The following TBC1D1 variants were observed in gnomAD, a reference collection of about 807,000 sequenced individuals.
The protein encoded by TBC1D1 is TBC1 domain family member 1.
TBC1D1 carries 89 observed loss-of-function variants against 125.6 expected under a neutral mutation model. The ratio of observed to expected loss-of-function variants is 0.71; its 90% CI spans 0.60 to 0.85. The LOEUF is 0.85. Ranked by LOEUF, TBC1D1 falls within the 40% of genes least tolerant of loss-of-function variation. The pLI, the probability that TBC1D1 is intolerant of heterozygous loss-of-function variation, is 0.00. For missense variants in TBC1D1, 1,377 were observed against 1,469.2 expected (o/e 0.94, Z 1.03); for synonymous variants, 565 against 564.1 (o/e 1.00, Z -0.02).
chr4:37,935,999 C>G (rs945787356), intron 2 of TBC1D1, among the ~76,000 whole-genome samples: 3 of 152,182 alleles, frequency 2.0e-5, no homozygotes, highest in South Asian at 2.1e-4. Context: ...CCCCAGGAGG[C>G]CTTCTCTGGC....
At chr4:38,065,197 C>T (rs1299856035) in intron 12 of TBC1D1, among the ~76,000 whole-genome samples, 1 of 152,190 alleles carries the variant, frequency 6.6e-6, no homozygotes, top group East Asian at 1.9e-4. Flanking sequence ...GCCAATCCGC[C>T]TTGGCCTCCC....
chr4:38,058,217 T>TA (rs1752102931), intron 12 of TBC1D1, among the ~76,000 whole-genome samples: 1 of 152,218 alleles, frequency 6.6e-6, no homozygotes, highest in Non-Finnish European at 1.5e-5. Context: ...ATCAGGCATC[T>TA]TTGTCCTCTG....
intron 2 of TBC1D1, among the ~76,000 whole-genome samples, chr4:37,913,646 T>C (rs1719091879): frequency 6.6e-6 from 1 of 151,714 alleles, no homozygotes; most frequent in South Asian, 2.1e-4. Context: ...TATATGTGTG[T>C]GTGTGTGTAT....
rs1369352470 is a variant in TBC1D1 at position 38,035,673 on chromosome 4, A to G, written c.1388A>G (p.His463Arg). ...TTATATGAAGAGAAACAGAAAGAAC[A>G]CATCCATATTGGGGAGATGAAGCAG... Residue 463 changes from histidine (H) to arginine (R), a missense_variant, in exon 8 of 20, where the codon CAC becomes CGC. Transcript: ENST00000261439. 1 of 1,613,486 alleles carries G rather than the reference A, an allele frequency of 6.2e-7. No homozygotes were observed. Among genetic ancestry groups the G allele is most frequent in the East Asian group, 2.2e-5 (1 of 44,840 alleles).
intron 17 of TBC1D1, among the ~76,000 whole-genome samples, chr4:38,124,391 C>T (rs762251841): frequency 6.6e-6 from 1 of 152,214 alleles, no homozygotes; most frequent in Non-Finnish European, 1.5e-5. Context: ...AGGAAGTAAC[C>T]TTGACAGAGT....
intron 1 of TBC1D1, among the ~76,000 whole-genome samples, chr4:37,893,345 A>AT (rs1159606337): frequency 2.0e-5 from 3 of 152,214 alleles, no homozygotes; most frequent in Non-Finnish European, 4.4e-5. Context: ...ATCACGGCCC[A>AT]TTTGGGGACT....
intron 17 of TBC1D1, among the ~76,000 whole-genome samples, chr4:38,118,969 T>TGTGA (rs1483694356): frequency 2.0e-5 from 3 of 152,230 alleles, no homozygotes; most frequent in Non-Finnish European, 4.4e-5. Context: ...AGTGGAATGT[T>TGTGA]GTGAGCATGG....
chr4:37,961,116 A>G (rs895897742), intron 2 of TBC1D1: 2 of 1,469,992 alleles, frequency 1.4e-6, no homozygotes, highest in Non-Finnish European at 1.9e-6. Flanking sequence ...CATAATAAAT[A>G]CATAAATATA....
chr4:37,892,128 T>G (rs139647338), intron 1 of TBC1D1, among the ~76,000 whole-genome samples: 1 of 152,320 alleles, frequency 6.6e-6, no homozygotes, highest in African/African-American at 2.4e-5. Flanking sequence ...GATTTCTCAT[T>G]GTTTCCCTTA....
chr4:38,107,797 C>T (rs537449905), intron 15 of TBC1D1, among the ~76,000 whole-genome samples: 7 of 152,176 alleles, frequency 4.6e-5, no homozygotes, highest in Admixed American at 1.3e-4. Context: ...GCCCACATTG[C>T]GAGTTACTCA....
rs1725086609 is a variant in TBC1D1 at position 37,939,484 on chromosome 4, C to G, written c.417+36972C>G. Among the ~76,000 whole-genome samples, 3 of 152,284 alleles carry G rather than the reference C, an allele frequency of 2.0e-5. 1 individual carries two copies. In the South Asian group the frequency reaches 6.2e-4, roughly 32 times the overall value. On this transcript the variant is annotated intron_variant, in intron 2 of 19. Coordinates refer to ENST00000261439, the MANE Select transcript of TBC1D1 (RefSeq NM_015173.4). The stretch of plus-strand genomic sequence containing the variant: ...CCATTCTGTAGGTTGCCTGTTTACT[C>G]TGATGGTAGTTTCTTTTGCTGTGCA...
chr4:38,112,283 G>C (rs553928247), intron 15 of TBC1D1, among the ~76,000 whole-genome samples: 2 of 152,344 alleles, frequency 1.3e-5, no homozygotes, highest in South Asian at 4.1e-4. Flanking sequence ...GTCAGAAAGC[G>C]AGATTTCCCA....
chr4:38,008,160 C>G (rs889705657), intron 2 of TBC1D1, among the ~76,000 whole-genome samples: 2 of 152,198 alleles, frequency 1.3e-5, no homozygotes, highest in Admixed American at 1.3e-4. Context: ...TCAGTGATTC[C>G]ATGAAGTCTA....
intron 7 of TBC1D1, among the ~76,000 whole-genome samples, chr4:38,032,090 G>A (rs943791919): frequency 4.6e-5 from 7 of 152,174 alleles, no homozygotes; most frequent in South Asian, 4.1e-4. Flanking sequence ...AGGCCAAGGC[G>A]GGCGGATCAC....
intron 9 of TBC1D1, among the ~76,000 whole-genome samples, chr4:38,045,188 G>A (rs995158789): frequency 1.1e-4 from 16 of 152,278 alleles, no homozygotes; most frequent in African/African-American, 3.4e-4. Context: ...CTGATGGCAC[G>A]TCTGAGAAAT....
intron 12 of TBC1D1, among the ~76,000 whole-genome samples, chr4:38,068,573 G>A (rs1754143779): frequency 6.6e-6 from 1 of 152,136 alleles, no homozygotes; most frequent in Non-Finnish European, 1.5e-5. Flanking sequence ...GTCTTACTGT[G>A]TCTTCGGGTT....
At chr4:37,909,274 G>A (rs1718031519) in intron 2 of TBC1D1, among the ~76,000 whole-genome samples, 1 of 152,182 alleles carries the variant, frequency 6.6e-6, no homozygotes, top group Non-Finnish European at 1.5e-5. Context: ...ATTAGCAGGA[G>A]TCCATCCCCC....
chr4:38,013,002 C>T (rs532212169), intron 2 of TBC1D1, among the ~76,000 whole-genome samples: 165 of 152,136 alleles, frequency 1.1e-3, no homozygotes, highest in Non-Finnish European at 1.7e-3. Context: ...ACTATGTTGG[C>T]CAGGCTGGTC....
At chr4:38,090,359 A>G (rs1758226321) in intron 13 of TBC1D1, among the ~76,000 whole-genome samples, 1 of 152,212 alleles carries the variant, frequency 6.6e-6, no homozygotes. Context: ...CAGTGTTTAG[A>G]ACTTCTGAGA....
Sources: gnomAD v4.1 joint callset for allele counts (sites outside exome capture counted in the v4.1 genomes callset) on GRCh38, gnomAD v4.1.1 for gene constraint, MANE v1.5 for transcripts, NCBI Gene and HGNC (gene_info 2026-07-23, HGNC 2026-07-21) for gene names.